Variants in CYP2C19 observed in about 807,000 individuals in gnomAD.
The protein encoded by CYP2C19 is cytochrome P450 2C19.
A neutral mutation model predicts 40.9 loss-of-function variants in CYP2C19; 59 were observed. That is an observed-to-expected ratio of 1.44 (90% confidence interval 1.17 to 1.79). The LOEUF (loss-of-function observed/expected upper bound fraction) is 1.79, where lower values mean the gene tolerates loss of function less well. Among genes scored for constraint, CYP2C19 ranks in the 40% most tolerant of loss-of-function variants. The probability of loss-of-function intolerance (pLI) is 0.00; values close to 1 mark genes in which losing one functional copy is unlikely to be tolerated. For missense variants in CYP2C19, 754 were observed against 596.9 expected, an observed-to-expected ratio of 1.26 and a Z score of -2.74; for synonymous variants, 253 against 208.7, an observed-to-expected ratio of 1.21 and a Z score of -1.83.
chr10:94,807,001 G>C (rs1008244014), intron 5 of CYP2C19, among the ~76,000 whole-genome samples: 1 of 151,884 alleles, frequency 6.6e-6, no homozygotes, highest in South Asian at 2.1e-4. Flanking sequence ...TTTCTCTTTT[G>C]TATAGCTGAA....
intron 5 of CYP2C19, among the ~76,000 whole-genome samples, chr10:94,791,884 A>G (rs983257245): frequency 2.6e-5 from 4 of 152,120 alleles, no homozygotes; most frequent in African/African-American, 9.7e-5. Context: ...TATTAGGTCC[A>G]CTTGGTGCAG....
At chr10:94,825,143 A>G (rs1849195189) in intron 6 of CYP2C19, among the ~76,000 whole-genome samples, 1 of 144,356 alleles carries the variant, frequency 6.9e-6, no homozygotes, top group Non-Finnish European at 1.5e-5. Flanking sequence ...TTATAGCAGC[A>G]TGATTTATAG....
chr10:94,841,890 A>C (rs534632414), intron 6 of CYP2C19, among the ~76,000 whole-genome samples: 1 of 152,302 alleles, frequency 6.6e-6, no homozygotes, highest in East Asian at 1.9e-4. Context: ...TGAGTGTTTT[A>C]AGACTTGTTC....
chr10:94,844,297 C>T lies in CYP2C19; in HGVS notation c.1149+1273C>T, dbSNP rs148064103. ...TGTTTATATTCTTCAAAGAAAGATTCATTCCTCTCCCATCGGCAGTCATAA... is the reference window on the plus strand; with the variant it reads ...TGTTTATATTCTTCAAAGAAAGATTTATTCCTCTCCCATCGGCAGTCATAA... On this transcript the variant is annotated intron_variant, in intron 7 of 8. Coordinates refer to ENST00000371321, the MANE Select transcript of CYP2C19 (RefSeq NM_000769.4). Among the ~76,000 whole-genome samples, 16 of 152,296 alleles carry T rather than the reference C, an allele frequency of 1.1e-4. No homozygotes were observed. The East Asian group carries it at 3.1e-3, about 29-fold the overall frequency.
intron 5 of CYP2C19, among the ~76,000 whole-genome samples, chr10:94,820,116 A>G (rs1232344624): frequency 1.3e-5 from 2 of 151,828 alleles, no homozygotes; most frequent in Non-Finnish European, 2.9e-5. Context: ...AATCCAGCAT[A>G]TAAACAGAGC....
At chr10:94,769,203 T>C (rs1015960832) in intron 1 of CYP2C19, among the ~76,000 whole-genome samples, 1 of 152,062 alleles carries the variant, frequency 6.6e-6, no homozygotes. Flanking sequence ...GTTCAAGAGA[T>C]CTAGAGTACC....
At chr10:94,779,551 TTTTTC>T (rs6144036) in intron 3 of CYP2C19, among the ~76,000 whole-genome samples, 2 of 136,166 alleles carry the variant, frequency 1.5e-5, no homozygotes, top group African/African-American at 2.7e-5. Flanking sequence ...CTTTTTTTCC[TTTTTC>T]TTTTCTTTTC....
chr10:94,847,649 C>T (rs985294053), intron 7 of CYP2C19, among the ~76,000 whole-genome samples: 15 of 152,286 alleles, frequency 9.8e-5, no homozygotes, highest in African/African-American at 3.4e-4. Flanking sequence ...TGAGGAATCA[C>T]CACACTGACT....
intron 6 of CYP2C19, 27 bp from the exon 7 acceptor site, chr10:94,842,810 C>A: frequency 6.2e-7 from 1 of 1,611,996 alleles, no homozygotes; most frequent in Non-Finnish European, 8.5e-7. Flanking sequence ...TCTCCTTTTC[C>A]ATCAGTTCTT....
chr10:94,824,903 A>G (rs376938799), intron 6 of CYP2C19, among the ~76,000 whole-genome samples: 2 of 148,526 alleles, frequency 1.3e-5, no homozygotes, highest in African/African-American at 2.5e-5. Flanking sequence ...GAGAATATGC[A>G]GTGTTTGGTT....
intron 6 of CYP2C19, among the ~76,000 whole-genome samples, chr10:94,821,826 C>G (rs1364143716): frequency 6.6e-6 from 1 of 151,488 alleles, no homozygotes; most frequent in Non-Finnish European, 1.5e-5. Context: ...GGTAAAAATA[C>G]AGATTTGTTA....
At chr10:94,783,035 C>T (rs1297227596) in intron 5 of CYP2C19, among the ~76,000 whole-genome samples, 2 of 152,028 alleles carry the variant, frequency 1.3e-5, no homozygotes, top group South Asian at 2.1e-4. Context: ...GTGCAGGAGA[C>T]CACCATGGCA....
chr10:94,845,600 A>G (rs1353726610), intron 7 of CYP2C19, among the ~76,000 whole-genome samples: 1 of 152,116 alleles, frequency 6.6e-6, no homozygotes, highest in Non-Finnish European at 1.5e-5. Context: ...TTTTTGTTTT[A>G]GCTCTTATAT....
At position 94,800,937 on chromosome 10, in the gene CYP2C19, C is replaced by T. The variant is rs1407117895; in HGVS notation, c.819+18940C>T. Among the ~76,000 whole-genome samples the T allele has an allele frequency of 3.3e-5, 5 of 152,164 alleles. No homozygotes were observed. In the East Asian group the frequency reaches 5.8e-4, roughly 18 times the overall value. ...GGTATCATCTCTCACGGCTTCCCTTCACTAAGAAAGGGAAATCCCTTAACA... is the reference window on the plus strand; with the variant it reads ...GGTATCATCTCTCACGGCTTCCCTTTACTAAGAAAGGGAAATCCCTTAACA... On this transcript the variant is annotated intron_variant, in intron 5 of 8. Coordinates refer to ENST00000371321, the MANE Select transcript of CYP2C19 (RefSeq NM_000769.4).
At chr10:94,775,859 T>A (rs1314959850) in intron 3 of CYP2C19, 4 of 401,216 alleles carry the variant, frequency 1.0e-5, no homozygotes, top group Non-Finnish European at 1.8e-5. Flanking sequence ...AAGAGCAGTG[T>A]TTTTCCCATT....
intron 1 of CYP2C19, among the ~76,000 whole-genome samples, chr10:94,771,796 C>G (rs893652467): frequency 6.6e-6 from 1 of 152,070 alleles, no homozygotes; most frequent in African/African-American, 2.4e-5. Flanking sequence ...GCCCAAGAAC[C>G]CAAAACAGTC....
intron 1 of CYP2C19, among the ~76,000 whole-genome samples, chr10:94,766,520 T>C (rs975744295): frequency 2.6e-5 from 4 of 152,140 alleles, no homozygotes; most frequent in Non-Finnish European, 4.4e-5. Context: ...AGAGTATGGT[T>C]AATATGCTGC....
chr10:94,779,448 G>A (rs1848453451), intron 3 of CYP2C19, among the ~76,000 whole-genome samples: 1 of 151,920 alleles, frequency 6.6e-6, no homozygotes, highest in Admixed American at 6.6e-5. Context: ...AAATTTGAAG[G>A]ATGATTAGAG....
chr10:94,774,383 G>A (rs1589818811), intron 1 of CYP2C19: 1 of 152,322 alleles, frequency 6.6e-6, no homozygotes, highest in East Asian at 1.9e-4. Flanking sequence ...TTCCTCATAG[G>A]GATAGTATGA....
Sources: allele counts gnomAD v4.1 joint callset (sites outside exome capture counted in the v4.1 genomes callset), GRCh38; gene constraint gnomAD v4.1.1; transcripts MANE v1.5; gene names NCBI Gene and HGNC (gene_info 2026-07-23, HGNC 2026-07-21).